The following CDK17 variants were observed in gnomAD, a reference collection of about 807,000 sequenced individuals.
CDK17 encodes the protein cyclin dependent kinase 17, also known as cyclin-dependent kinase 17.
Under a neutral mutation model 77.6 loss-of-function variants are expected in CDK17, and 24 were observed. The ratio of observed to expected loss-of-function variants is 0.31; its 90% CI spans 0.22 to 0.44. The LOEUF (loss-of-function observed/expected upper bound fraction) is 0.44, where lower values mean the gene tolerates loss of function less well. Among genes scored for constraint, CDK17 ranks in the 20% least tolerant of loss-of-function variants. The probability of loss-of-function intolerance (pLI) is 1.00; values close to 1 mark genes in which losing one functional copy is unlikely to be tolerated. For missense variants in CDK17, 429 were observed against 622.5 expected (o/e 0.69, Z 3.31); for synonymous variants, 203 against 210.4 (o/e 0.96, Z 0.30).
intron 1 of CDK17, among the ~76,000 whole-genome samples, chr12:96,378,080 T>A (rs1953816462): frequency 6.6e-6 from 1 of 152,180 alleles, no homozygotes; most frequent in Middle Eastern, 3.2e-3. Context: ...ACACACTCAG[T>A]TTCCGCTAGT....
Position 96,293,149 on chromosome 12 carries a change from T to A in CDK17, c.997+1850A>T, listed in dbSNP as rs769719252. On this transcript the variant is annotated intron_variant, in intron 10 of 16. Transcript: ENST00000261211. ...ACATTTTTATGAAAAACATTTTTTTTATAAAAACAAAACAGTAAGAAGAAT... is the reference window on the plus strand; with the variant it reads ...ACATTTTTATGAAAAACATTTTTTTAATAAAAACAAAACAGTAAGAAGAAT... 1.3e-4 allele frequency among the ~76,000 whole-genome samples: 20 copies of A among 152,340 alleles called. No individual in the cohort carries two copies. The South Asian group carries it at 1.9e-3, about 14-fold the overall frequency.
In CDK17 at chr12:96,282,589, T is replaced by A. The variant is rs760020649; in HGVS notation, c.1376A>T (p.Lys459Met). Residue 459 changes from lysine to methionine, a missense_variant, in exon 15 of 17, where the codon AAG becomes ATG. By Grantham distance (95) the Lys-to-Met change is moderately conservative (BLOSUM62 -1). Around this residue, in one of 4 missense-constraint regions of CDK17, gnomAD observed 115 missense variants for 124.2 expected, o/e 0.93. Coordinates refer to ENST00000261211, the MANE Select transcript of CDK17 (RefSeq NM_002595.5). Reference protein sequence around the residue: ...LITKFLQYESKKRVSAEEAMK... With the variant: ...LITKFLQYESMKRVSAEEAMK... ...GGCCTCTTCAGCTGAAACCCTTTTC[T>A]TAGATTCATACTGTGAAAAAGCAAA... 5.3e-5 allele frequency: 86 copies of A among 1,609,918 alleles called. No homozygotes were observed. Among genetic ancestry groups the A allele is most frequent in the Non-Finnish European group, 6.3e-5 (74 of 1,176,340 alleles).
In CDK17 at chr12:96,281,007, T is replaced by C. The variant is rs1023140234; in HGVS notation, c.1457-122A>G. ...AATATGAAACCATTTTACAAGGTGA[T>C]AGCCCTGCTGAAATTTTTCCTTTTT... On this transcript the variant is annotated intron_variant, in intron 15 of 16. Coordinates refer to ENST00000261211, the MANE Select transcript of CDK17 (RefSeq NM_002595.5). 12 of 805,830 alleles carry C rather than the reference T, an allele frequency of 1.5e-5. No individual in the cohort carries two copies. The South Asian group carries it at 1.7e-4, about 11-fold the overall frequency. The allele number at this position is 805,830 out of a possible 1,614,324, so 49.9% of individuals were successfully genotyped here. A position where few individuals can be genotyped will look rare whatever the true frequency, so the allele number is the denominator to read the frequency against.
intron 1 of CDK17, among the ~76,000 whole-genome samples, chr12:96,358,370 T>TTA (rs1555205253): frequency 5.7e-5 from 2 of 35,182 alleles, no homozygotes; most frequent in African/African-American, 2.3e-4. Context: ...TGCAAACTTG[T>TTA]AAAAAAAAAA....
At chr12:96,328,460 A>AC (rs1952919774) in intron 2 of CDK17, among the ~76,000 whole-genome samples, 1 of 152,154 alleles carries the variant, frequency 6.6e-6, no homozygotes, top group Admixed American at 6.5e-5. Flanking sequence ...AAGGTTGGGG[A>AC]CCACTGATAC....
chr12:96,345,985 G>A (rs1433887097), intron 1 of CDK17, among the ~76,000 whole-genome samples: 2 of 152,208 alleles, frequency 1.3e-5, no homozygotes, highest in Non-Finnish European at 2.9e-5. Context: ...TTAAAAGGCA[G>A]AGATTGTCAG....
intron 1 of CDK17, among the ~76,000 whole-genome samples, chr12:96,371,975 C>A (rs942149259): frequency 7.2e-6 from 1 of 138,518 alleles, no homozygotes; most frequent in Admixed American, 7.7e-5. Context: ...AGAGGGGGGA[C>A]GGAGAGAGAG....
intron 1 of CDK17, among the ~76,000 whole-genome samples, chr12:96,398,653 C>G (rs1954209948): frequency 6.6e-6 from 1 of 152,190 alleles, no homozygotes; most frequent in Non-Finnish European, 1.5e-5. Context: ...AAAGAAACAG[C>G]AAAGTTTGGG....
At chr12:96,392,339 A>G (rs1312091604) in intron 1 of CDK17, among the ~76,000 whole-genome samples, 1 of 152,204 alleles carries the variant, frequency 6.6e-6, no homozygotes, top group Non-Finnish European at 1.5e-5. Context: ...GTAGGCAGGT[A>G]CTTCAGACAT....
intron 5 of CDK17, among the ~76,000 whole-genome samples, chr12:96,305,332 A>G (rs891689152): frequency 6.6e-6 from 1 of 152,212 alleles, no homozygotes; most frequent in African/African-American, 2.4e-5. Flanking sequence ...ATCTGAATAA[A>G]GTATGGAGTT....
At chr12:96,333,689 G>A (rs1438870891) in intron 2 of CDK17, among the ~76,000 whole-genome samples, 1 of 149,654 alleles carries the variant, frequency 6.7e-6, no homozygotes, top group Non-Finnish European at 1.5e-5. Flanking sequence ...AAAAAAAAAG[G>A]TAGATGTTAT....
intron 1 of CDK17, among the ~76,000 whole-genome samples, chr12:96,393,968 C>G (rs1318176783): frequency 6.6e-6 from 1 of 152,062 alleles, no homozygotes; most frequent in Non-Finnish European, 1.5e-5. Context: ...CAAGTATAGA[C>G]CAGGTGCAGT....
chr12:96,371,431 T>C (rs1198836438), intron 1 of CDK17, among the ~76,000 whole-genome samples: 14 of 152,302 alleles, frequency 9.2e-5, no homozygotes, highest in Admixed American at 7.2e-4. Flanking sequence ...TTAAGGGGCA[T>C]CATTTTAATA....
chr12:96,315,665 T>G (rs960943574), intron 3 of CDK17, among the ~76,000 whole-genome samples: 1 of 152,288 alleles, frequency 6.6e-6, no homozygotes, highest in Non-Finnish European at 1.5e-5. Context: ...TATTTTAAAA[T>G]GCACAGCTAA....
Position 96,286,143 on chromosome 12 carries a change from G to A in CDK17, c.1222C>T (p.Pro408Ser). The A allele has an allele frequency of 7.8e-7, 1 of 1,289,138 alleles. No individual in the cohort carries two copies. Among genetic ancestry groups the A allele is most frequent in the Non-Finnish European group, 1.0e-6 (1 of 976,906 alleles). 79.9% of individuals were successfully genotyped at this position (1,289,138 alleles called of 1,614,324 possible). The change falls in exon 13 of 17, where the codon CCA (proline) becomes TCA (serine). Residue 408 changes from proline to serine, a missense_variant. Around this residue, in one of 4 missense-constraint regions of CDK17, gnomAD observed 51 missense variants for 96.5 expected, o/e 0.53. Transcript: ENST00000261211. The stretch of plus-strand genomic sequence containing the variant: ...ATACCTGGCCAAGTTTCCTGAGATG[G>A]AGTTCCTGAATTAAAAAAAAAAATT... ...LHLIFRLLGT[P>S]SQETWPGISS...
intron 1 of CDK17, among the ~76,000 whole-genome samples, chr12:96,395,091 G>T (rs1038625924): frequency 2.6e-5 from 4 of 152,124 alleles, no homozygotes; most frequent in Admixed American, 2.0e-4. Flanking sequence ...GGCCAGGCCG[G>T]ACTGGAACTC....
intron 8 of CDK17, 107 bp from the exon 9 acceptor site, chr12:96,297,439 T>C: frequency 1.3e-6 from 1 of 774,932 alleles, no homozygotes; most frequent in Non-Finnish European, 2.2e-6. Flanking sequence ...GAAAAGATAC[T>C]GGATGCACCA....
intron 2 of CDK17, among the ~76,000 whole-genome samples, chr12:96,325,055 T>C (rs1352857336): frequency 1.3e-5 from 2 of 152,138 alleles, no homozygotes; most frequent in African/African-American, 4.8e-5. Flanking sequence ...AGAAACTGTT[T>C]TGTAATGTTT....
Position 96,280,088 on chromosome 12 carries a change from A to C in CDK17, c.*154T>G. The C allele has an allele frequency of 1.4e-6, 1 of 693,894 alleles. No individual in the cohort carries two copies. The highest frequency in any genetic ancestry group is 2.2e-6 in the Non-Finnish European group (1 of 447,814). The allele number at this position is 693,894 out of a possible 1,614,324, so 43.0% of individuals were successfully genotyped here. A position where few individuals can be genotyped will look rare whatever the true frequency, so the allele number is the denominator to read the frequency against. On this transcript the variant is annotated 3_prime_UTR_variant, in exon 17 of 17. Transcript: ENST00000261211. The stretch of plus-strand genomic sequence containing the variant: ...CACTGTGACAACAAATATAAAAACA[A>C]TCTGTAGGTCTGAAATAAAAAGACT...
Sources: gnomAD v4.1 joint callset for allele counts (sites outside exome capture counted in the v4.1 genomes callset) on GRCh38, gnomAD v4.1.1 for gene constraint, gnomAD v4.1.1 regional missense constraint, MANE v1.5 for transcripts, NCBI Gene and HGNC (gene_info 2026-07-23, HGNC 2026-07-21) for gene names.